ETFDH: variants seen among roughly 807,000 people sequenced by gnomAD.
ETFDH encodes electron transfer flavoprotein dehydrogenase, also known as electron transfer flavoprotein-ubiquinone oxidoreductase, mitochondrial.
A neutral mutation model predicts 73.2 loss-of-function variants in ETFDH; 61 were observed. The observed-to-expected ratio is 0.83, with a 90% CI of 0.68 to 1.03. The LOEUF (loss-of-function observed/expected upper bound fraction) is 1.03. Ranked by LOEUF, ETFDH falls within the 50% of genes least tolerant of loss-of-function variation. The pLI is 0.00. For missense variants in ETFDH, 685 were observed against 745.0 expected (o/e 0.92, Z 0.94); for synonymous variants, 243 against 253.3 (o/e 0.96, Z 0.39).
At chr4:158,698,954 A>G (rs1173190432) in intron 8 of ETFDH, 33 bp from the exon 9 acceptor site, 5 of 1,407,982 alleles carry the variant, frequency 3.6e-6, no homozygotes, top group Non-Finnish European at 5.0e-6. Flanking sequence ...TGAAATAAAA[A>G]TGTCTAATTA....
At chr4:158,680,693 A>G (rs1773832611) in intron 2 of ETFDH, 86 bp downstream of exon 2, 1 of 1,194,020 alleles carries the variant, frequency 8.4e-7, no homozygotes, top group African/African-American at 1.5e-5. Context: ...TATTTTTCAT[A>G]ATTTAAAAAC....
At chr4:158,676,923 T>C (rs1406816025) in intron 1 of ETFDH, among the ~76,000 whole-genome samples, 2 of 152,236 alleles carry the variant, frequency 1.3e-5, no homozygotes, top group Non-Finnish European at 1.5e-5. Flanking sequence ...TGTTACTAGA[T>C]ATAAGAGTTC....
At chr4:158,705,744 G>A (rs149291805) in intron 10 of ETFDH, among the ~76,000 whole-genome samples, 154 of 152,298 alleles carry the variant, frequency 1.0e-3, no homozygotes, top group African/African-American at 3.5e-3. Context: ...ATTTATACAT[G>A]AAAGAGCCTT....
chr4:158,680,483 T>C lies in ETFDH; in HGVS notation c.51T>C (p.His17=). The C allele has an allele frequency of 1.2e-6, 2 of 1,606,296 alleles. No individual in the cohort carries two copies. Among genetic ancestry groups the C allele is most frequent in the African/African-American group, 2.7e-5 (2 of 74,972 alleles). ...KLSCLAYQCF[H]ALKIKKNYLP... ...TTTGTGCAGCATATCAGTGCTTTCA[T>C]GCCTTAAAAATTAAGAAAAATTATC... Residue 17 remains histidine (H), a synonymous_variant, in exon 2 of 13, where the codon CAT becomes CAC. Coordinates refer to ENST00000511912, the MANE Select transcript of ETFDH (RefSeq NM_004453.4).
At chr4:158,702,205 G>C (rs1774482926) in intron 9 of ETFDH, among the ~76,000 whole-genome samples, 1 of 151,550 alleles carries the variant, frequency 6.6e-6, no homozygotes, top group Non-Finnish European at 1.5e-5. Flanking sequence ...CTTAATTTTG[G>C]GGGGAGAGAG....
chr4:158,686,133 T>C (rs1316681830), intron 5 of ETFDH, among the ~76,000 whole-genome samples: 1 of 152,060 alleles, frequency 6.6e-6, no homozygotes, highest in East Asian at 1.9e-4. Context: ...AGAGATAGGA[T>C]TGAAAGACAG....
intron 5 of ETFDH, among the ~76,000 whole-genome samples, chr4:158,687,431 G>A (rs1402825266): frequency 6.6e-6 from 1 of 152,084 alleles, no homozygotes; most frequent in Non-Finnish European, 1.5e-5. Context: ...AGCATGCCAG[G>A]GACATACTTT....
At position 158,695,605 on chromosome 4, in the gene ETFDH, A is replaced by G; in HGVS notation, c.793A>G (p.Asn265Asp). The G allele has an allele frequency of 6.2e-7, 1 of 1,612,256 alleles. No individual in the cohort carries two copies. The highest frequency in any genetic ancestry group is 8.5e-7 in the Non-Finnish European group (1 of 1,178,368). Residue 265 changes from asparagine (N) to aspartate (D), a missense_variant, in exon 7 of 13, where the codon AAT (asparagine) becomes GAT (aspartate). This residue lies in a region of ETFDH where 405 missense variants were observed against 399.3 expected (regional missense o/e 1.01). Coordinates refer to ENST00000511912, the MANE Select transcript of ETFDH (RefSeq NM_004453.4). ...QLYKKFDLRA[N>D]CEPQTYGIGL... ...ATATAAGAAGTTTGATTTGAGAGCA[A>G]ATTGTGAACCTCAAACCTACGGGAT...
chr4:158,705,673 G>A (rs950852106), intron 10 of ETFDH, among the ~76,000 whole-genome samples: 1 of 152,198 alleles, frequency 6.6e-6, no homozygotes, highest in African/African-American at 2.4e-5. Context: ...GAAATCAAAT[G>A]CCTTACTGCC....
Position 158,698,866 on chromosome 4 carries a change from C to T in ETFDH, c.973-121C>T, listed in dbSNP as rs1457429090. The T allele has an allele frequency of 5.7e-6, 4 of 705,118 alleles. No individual in the cohort carries two copies. In the East Asian group the frequency reaches 1.1e-4, roughly 19 times the overall value. 43.7% of individuals were successfully genotyped at this position (705,118 alleles called of 1,614,324 possible). A position where few individuals can be genotyped will look rare whatever the true frequency, so the allele number is the denominator to read the frequency against. On this transcript the variant is annotated intron_variant, in intron 8 of 12. Transcript: ENST00000511912. ...CATTTGGATTACTGCACATAGTGCT[C>T]CAAATACTTTTGAGTAAAAGAAATT... is the stretch of plus-strand genomic sequence containing the variant.
chr4:158,692,100 A>T (rs561604124), intron 6 of ETFDH, among the ~76,000 whole-genome samples: 1 of 152,296 alleles, frequency 6.6e-6, no homozygotes, highest in African/African-American at 2.4e-5. Flanking sequence ...TCCTGCTTTA[A>T]AAGCAAATAG....
intron 12 of ETFDH, among the ~76,000 whole-genome samples, chr4:158,707,324 T>G (rs1268020504): frequency 6.6e-6 from 1 of 152,154 alleles, no homozygotes; most frequent in Non-Finnish European, 1.5e-5. Context: ...TAGAACAAAA[T>G]AGTATTCCGA....
chr4:158,704,700 C>G (rs1400130254), intron 10 of ETFDH, among the ~76,000 whole-genome samples: 1 of 152,182 alleles, frequency 6.6e-6, no homozygotes, highest in African/African-American at 2.4e-5. Flanking sequence ...ATACCTGGCA[C>G]ACGGTAGCGA....
Position 158,685,120 on chromosome 4 carries a change from T to C in ETFDH, c.507T>C (p.His169=), listed in dbSNP as rs772286040. The change falls in exon 5 of 13, where the codon CAT becomes CAC. Residue 169 remains histidine (H), a synonymous_variant. Transcript: ENST00000511912. ...PILPGLPMNN[H]GNYIVRLGHL... ...TTATAGGGCTTCCAATGAATAATCA[T>C]GGCAATTACATTGTACGCTTGGGAC... 42 of 1,605,926 alleles carry C rather than the reference T, an allele frequency of 2.6e-5. No individual in the cohort carries two copies. Among genetic ancestry groups the C allele is most frequent in the Non-Finnish European group, 3.5e-5 (41 of 1,172,916 alleles).
At chr4:158,689,381 A>G (rs918062001) in intron 5 of ETFDH, among the ~76,000 whole-genome samples, 1 of 151,834 alleles carries the variant, frequency 6.6e-6, no homozygotes, top group African/African-American at 2.4e-5. Context: ...GGTGGTTTGT[A>G]GAATCCATGA....
intron 9 of ETFDH, among the ~76,000 whole-genome samples, chr4:158,699,844 T>C (rs1004568779): frequency 1.3e-5 from 2 of 152,210 alleles, no homozygotes; most frequent in Non-Finnish European, 2.9e-5. Context: ...TCAAATATAA[T>C]GTATTCAGTA....
Position 158,703,591 on chromosome 4 carries a change from G to C in ETFDH, c.1285G>C (p.Gly429Arg), listed in dbSNP as rs759044284. ...TSENLQSKTIGLHVTEYEDNL... is the reference protein window; with the variant it reads ...TSENLQSKTIRLHVTEYEDNL... ...TGAAAATCTCCAATCAAAGACAATA[G>C]GTAAGAAATTCCTGTGTAAAGTATA... Residue 429 changes from glycine to arginine, a missense_variant and splice_region_variant, in exon 10 of 13, where the codon GGA (glycine) becomes CGA (arginine). By Grantham distance (125) the Gly-to-Arg change is moderately radical (BLOSUM62 -2). Around this residue, in one of 3 missense-constraint regions of ETFDH, gnomAD observed 79 missense variants for 120.5 expected, o/e 0.66. Coordinates refer to ENST00000511912, the MANE Select transcript of ETFDH (RefSeq NM_004453.4). 3.8e-6 allele frequency: 6 copies of C among 1,576,680 alleles called. No homozygotes were observed. Among genetic ancestry groups the C allele is most frequent in the Non-Finnish European group, 5.2e-6 (6 of 1,146,780 alleles).
intron 1 of ETFDH, among the ~76,000 whole-genome samples, chr4:158,676,514 C>T (rs1423100860): frequency 1.3e-5 from 2 of 152,124 alleles, no homozygotes; most frequent in Admixed American, 1.3e-4. Flanking sequence ...ACAGTCTGGT[C>T]CCCAGGAAGG....
At chr4:158,688,381 ACT>A (rs1428010330) in intron 5 of ETFDH, among the ~76,000 whole-genome samples, 36 of 89,176 alleles carry the variant, frequency 4.0e-4, no homozygotes, top group Non-Finnish European at 2.2e-4. Flanking sequence ...ACAGAGTGAG[ACT>A]CTGTCTCAAA....
Sources: gnomAD v4.1 joint callset for allele counts (sites outside exome capture counted in the v4.1 genomes callset) on GRCh38, gnomAD v4.1.1 for gene constraint, gnomAD v4.1.1 regional missense constraint, MANE v1.5 for transcripts, NCBI Gene and HGNC (gene_info 2026-07-23, HGNC 2026-07-21) for gene names.